FMN1: variants seen among roughly 807,000 people sequenced by gnomAD.
The protein encoded by FMN1 is formin 1.
Under a neutral mutation model 132.4 loss-of-function variants are expected in FMN1, and 110 were observed. The ratio of observed to expected loss-of-function variants is 0.83; its 90% CI spans 0.71 to 0.97. FMN1 has a LOEUF of 0.97. FMN1 is among the 50% of genes least tolerant of loss of function. FMN1 has a pLI of 0.00. For synonymous variants in FMN1, 722 were observed against 651.7 expected, an observed-to-expected ratio of 1.11 and a Z score of -1.64; for missense variants, 1,792 against 1,705.3, an observed-to-expected ratio of 1.05 and a Z score of -0.90.
chr15:32,937,452 T>C (rs1420882462), intron 9 of FMN1, among the ~76,000 whole-genome samples: 2 of 152,214 alleles, frequency 1.3e-5, no homozygotes, highest in Admixed American at 6.5e-5. Flanking sequence ...TTAACTGATT[T>C]CTGAATTTCT....
intron 7 of FMN1, among the ~76,000 whole-genome samples, chr15:32,990,265 A>C (rs2140847911): frequency 6.6e-6 from 1 of 152,290 alleles, no homozygotes; most frequent in South Asian, 2.1e-4. Context: ...GGCGTGCTGC[A>C]GAGGCAACAC....
At chr15:33,170,618 A>G (rs2140319413) in intron 3 of FMN1, among the ~76,000 whole-genome samples, 1 of 152,240 alleles carries the variant, frequency 6.6e-6, no homozygotes, top group African/African-American at 2.4e-5. Flanking sequence ...AAAGACATAC[A>G]AACGCCCAAC....
intron 10 of FMN1, among the ~76,000 whole-genome samples, chr15:32,919,751 G>A (rs1596273466): frequency 6.6e-6 from 1 of 152,140 alleles, no homozygotes; most frequent in African/African-American, 2.4e-5. Flanking sequence ...TGTTCCTCAG[G>A]AAAGTCCTAG....
At chr15:32,902,600 T>G (rs2060324310) in intron 12 of FMN1, among the ~76,000 whole-genome samples, 1 of 152,212 alleles carries the variant, frequency 6.6e-6, no homozygotes, top group South Asian at 2.1e-4. Context: ...TCACATTAAC[T>G]TACACACATA....
intron 4 of FMN1, among the ~76,000 whole-genome samples, chr15:33,121,185 A>G (rs1962520825): frequency 1.3e-5 from 2 of 152,362 alleles, no homozygotes; most frequent in East Asian, 3.9e-4. Flanking sequence ...ACAAAAAATT[A>G]AACTCTTGCC....
chr15:32,816,932 A>C (rs1158027946), intron 17 of FMN1, among the ~76,000 whole-genome samples: 1 of 152,242 alleles, frequency 6.6e-6, no homozygotes, highest in Non-Finnish European at 1.5e-5. Flanking sequence ...AGTTTCAATC[A>C]CATTATAAAG....
chr15:33,151,571 A>G (rs1964440293), intron 4 of FMN1, among the ~76,000 whole-genome samples: 1 of 152,212 alleles, frequency 6.6e-6, no homozygotes, highest in South Asian at 2.1e-4. Context: ...AAAGGGCAAA[A>G]TAATAAGATA....
intron 17 of FMN1, among the ~76,000 whole-genome samples, chr15:32,853,432 A>G (rs76394447): frequency 0.19 from 29,540 of 152,178 alleles, 2,957 homozygotes; most frequent in East Asian, 0.33. Context: ...ACATGTAATA[A>G]TGGTATTTCT....
intron 4 of FMN1, chr15:33,106,037 G>A (rs927315791): frequency 2.0e-5 from 3 of 151,974 alleles, no homozygotes; most frequent in Admixed American, 2.0e-4. Context: ...GCCTTCTCTC[G>A]GAACTGCTCC....
At chr15:32,907,597 AAG>A (rs2060458135) in intron 12 of FMN1, among the ~76,000 whole-genome samples, 1 of 152,168 alleles carries the variant, frequency 6.6e-6, no homozygotes, top group African/African-American at 2.4e-5. Context: ...ACTCCAGTGC[AAG>A]CCGGAGAACC....
At chr15:33,167,178 G>A (rs570746654) in intron 3 of FMN1, among the ~76,000 whole-genome samples, 4 of 152,270 alleles carry the variant, frequency 2.6e-5, no homozygotes, top group African/African-American at 4.8e-5. Context: ...TAATCCCCAC[G>A]TGTCATGGGC....
chr15:32,972,095 C>G (rs1017309821), intron 7 of FMN1, among the ~76,000 whole-genome samples: 5 of 152,076 alleles, frequency 3.3e-5, no homozygotes, highest in Non-Finnish European at 5.9e-5. Flanking sequence ...GCCAGGGAGG[C>G]AAATTAATAT....
At chr15:33,020,342 G>A (rs1275898404) in intron 6 of FMN1, among the ~76,000 whole-genome samples, 5 of 138,962 alleles carry the variant, frequency 3.6e-5, no homozygotes, top group Non-Finnish European at 6.3e-5. Flanking sequence ...CCCCCCACCA[G>A]ATTCGGTCAC....
At chr15:32,776,983 GAAGAA>G (rs2056441068) in intron 19 of FMN1, 64 bp from the exon 20 acceptor site, 1 of 995,072 alleles carries the variant, frequency 1.0e-6, no homozygotes, top group Non-Finnish European at 1.5e-6. Flanking sequence ...GAAAAGGAAA[GAAGAA>G]AAGAGTTAAG....
At chr15:33,001,768 G>C (rs548784339) in intron 7 of FMN1, among the ~76,000 whole-genome samples, 17 of 142,486 alleles carry the variant, frequency 1.2e-4, no homozygotes, top group African/African-American at 4.2e-4. Flanking sequence ...CGCTCAGGCT[G>C]GACTGCGGTG....
At chr15:32,783,724 G>T in intron 19 of FMN1, among the ~76,000 whole-genome samples, 1 of 119,644 alleles carries the variant, frequency 8.4e-6, no homozygotes, top group Non-Finnish European at 1.6e-5. Flanking sequence ...CAGCCTGGGC[G>T]ACAGAGCGAG....
chr15:33,172,971 T>C (rs772123498), intron 3 of FMN1, among the ~76,000 whole-genome samples: 6 of 152,184 alleles, frequency 3.9e-5, no homozygotes, highest in Non-Finnish European at 5.9e-5. Context: ...AAGCATGCAG[T>C]AAGCACAAGA....
chr15:32,852,603 G>T (rs181896171), intron 17 of FMN1, among the ~76,000 whole-genome samples: 117 of 152,274 alleles, frequency 7.7e-4, no homozygotes, highest in Non-Finnish European at 1.0e-3. Flanking sequence ...CTGGCCTCAA[G>T]TGATCCTCCT....
At chr15:32,804,559 T>C (rs1486190909) in intron 17 of FMN1, among the ~76,000 whole-genome samples, 2 of 150,280 alleles carry the variant, frequency 1.3e-5, no homozygotes, top group African/African-American at 4.9e-5. Flanking sequence ...ACATGTGCAC[T>C]ACGTGCAGGT....
Sources: gnomAD v4.1 joint callset for allele counts (sites outside exome capture counted in the v4.1 genomes callset) on GRCh38, gnomAD v4.1.1 for gene constraint, MANE v1.5 for transcripts, NCBI Gene and HGNC (gene_info 2026-07-23, HGNC 2026-07-21) for gene names.